Variants in SLC25A23 observed in about 807,000 individuals in gnomAD.
SLC25A23 encodes mitochondrial adenyl nucleotide antiporter SLC25A23.
Under a neutral mutation model 53.9 loss-of-function variants are expected in SLC25A23, and 32 were observed. That is an observed-to-expected ratio of 0.59 (90% CI 0.45 to 0.80). The LOEUF (loss-of-function observed/expected upper bound fraction) is 0.80, where lower values mean the gene tolerates loss of function less well. Among genes scored for constraint, SLC25A23 ranks in the 30% least tolerant of loss-of-function variants. The pLI, the probability that SLC25A23 is intolerant of heterozygous loss-of-function variation, is 0.00. For missense variants in SLC25A23, 575 were observed against 651.4 expected, an observed-to-expected ratio of 0.88 and a Z score of 1.28; for synonymous variants, 275 against 264.5, an observed-to-expected ratio of 1.04 and a Z score of -0.38.
intron 8 of SLC25A23, among the ~76,000 whole-genome samples, chr19:6,448,633 G>A (rs1024745687): frequency 3.3e-5 from 5 of 150,816 alleles, no homozygotes; most frequent in African/African-American, 1.2e-4. Context: ...ACCACGCCCA[G>A]CTATTTTTTG....
chr19:6,444,311 A>C lies in SLC25A23; in HGVS notation c.1072-10T>G, dbSNP rs1189701116. On this transcript the variant is annotated splice_polypyrimidine_tract_variant and intron_variant, in intron 8 of 9. Transcript: ENST00000301454. ...ACCAGTTCTTCAGAGTCTGGAGTGG[A>C]GAAGGGAGTAGGGAGGGTTGGGGTG... 15 of 1,216,496 alleles carry C rather than the reference A, an allele frequency of 1.2e-5. No homozygotes were observed. The highest frequency in any genetic ancestry group is 1.4e-5 in the Non-Finnish European group (12 of 856,790). The allele number at this position is 1,216,496 out of a possible 1,614,324, so 75.4% of individuals were successfully genotyped here. A position where few individuals can be genotyped will look rare whatever the true frequency, so the allele number is the denominator to read the frequency against.
Position 6,458,183 on chromosome 19 carries a change from G to T in SLC25A23, c.283+15C>A, listed in dbSNP as rs2092708437. 1 of 1,612,240 alleles carries T rather than the reference G, an allele frequency of 6.2e-7. No homozygotes were observed. Among genetic ancestry groups the T allele is most frequent in the Admixed American group, 1.7e-5 (1 of 59,946 alleles). On this transcript the variant is annotated intron_variant, in intron 2 of 9. Transcript: ENST00000301454. ...CCTATCCCTTGGGGCCTGCAGGCAG[G>T]TCGCCCGACCTTACCATCCTGGTTC...
Position 6,459,436 on chromosome 19 carries a change from G to C in SLC25A23, c.156+37C>G. ...GGCTTGGGTAACCGGGAGCGGGCGG[G>C]GCCGGGAGGGGAGGAGGTCCCTGGG... On this transcript the variant is annotated intron_variant, in intron 1 of 9. Transcript: ENST00000301454. The surrounding 1 kb of genome is among the most constrained non-coding windows in gnomAD (Gnocchi z 4.6). The C allele has an allele frequency of 6.5e-7, 1 of 1,548,362 alleles. No individual in the cohort carries two copies. Among genetic ancestry groups the C allele is most frequent in the Non-Finnish European group, 8.7e-7 (1 of 1,154,174 alleles).
At chr19:6,437,003 C>T (rs867645024), downstream of SLC25A23, among the ~76,000 whole-genome samples, 7 of 151,858 alleles carry the variant, frequency 4.6e-5, no homozygotes, top group African/African-American at 1.7e-4. Context: ...CATGTGACAC[C>T]ATGCCCGGCT....
chr19:6,444,252 G>C lies in SLC25A23; in HGVS notation c.1121C>G (p.Pro374Arg). ...LQQYSHDSAD[P>R]GILVLLACGT... ...GCAGGCCAGGAGCACGAGGATGCCT[G>C]GGTCTGCCGAGTCGTGGCTGTACTG... Residue 374 changes from proline (P) to arginine (R), a missense_variant, in exon 9 of 10, where the codon CCA becomes CGA. Physicochemically the swap from Pro to Arg is moderately radical, Grantham distance 103. Coordinates refer to ENST00000301454, the MANE Select transcript of SLC25A23 (RefSeq NM_024103.3). 5 of 1,607,156 alleles carry C rather than the reference G, an allele frequency of 3.1e-6. No individual in the cohort carries two copies. The highest frequency in any genetic ancestry group is 2.5e-6 in the Non-Finnish European group (3 of 1,177,600).
At chr19:6,447,333 G>A (rs1324479298) in intron 8 of SLC25A23, among the ~76,000 whole-genome samples, 1 of 152,024 alleles carries the variant, frequency 6.6e-6, no homozygotes, top group Admixed American at 6.6e-5. Context: ...ACAGGGTCTC[G>A]CTCTCACACC....
At chr19:6,444,024 T>C (rs926277309) in intron 9 of SLC25A23, 127 bp downstream of exon 9, 1 of 1,014,128 alleles carries the variant, frequency 9.9e-7, no homozygotes, top group Admixed American at 3.0e-5. Flanking sequence ...ATGTCACAAA[T>C]GGGGAAACGG....
In SLC25A23 at chr19:6,442,502, A is replaced by C. The variant is rs559752641; in HGVS notation, c.1223-343T>G. On this transcript the variant is annotated intron_variant, in intron 9 of 9. Transcript: ENST00000301454. Reference sequence around the variant, plus strand: ...TATCCCAGAGCCAGCTCCCCAGGGGACTCCTCCTTGGTGCTCCAGTCTAAG... The same window carrying C: ...TATCCCAGAGCCAGCTCCCCAGGGGCCTCCTCCTTGGTGCTCCAGTCTAAG... 2.0e-5 allele frequency among the ~76,000 whole-genome samples: 3 copies of C among 151,060 alleles called. No homozygotes were observed. The East Asian group carries it at 5.8e-4, about 29-fold the overall frequency.
chr19:6,436,220 G>T, downstream of SLC25A23: 1 of 280,616 alleles, frequency 3.6e-6, no homozygotes, highest in Non-Finnish European at 7.4e-6. Flanking sequence ...CCGCTGAGCC[G>T]GCTGTTCCCG....
intron 8 of SLC25A23, among the ~76,000 whole-genome samples, chr19:6,446,892 G>A (rs983387790): frequency 2.6e-4 from 39 of 152,244 alleles, no homozygotes; most frequent in African/African-American, 9.1e-4. Context: ...TATGACTGGT[G>A]TCCGTAGAGG....
chr19:6,442,172 G>GA lies in SLC25A23; in HGVS notation c.1223-14_1223-13insT. On this transcript the variant is annotated splice_polypyrimidine_tract_variant and intron_variant, in intron 9 of 9. Coordinates refer to ENST00000301454, the MANE Select transcript of SLC25A23 (RefSeq NM_024103.3). The stretch of plus-strand genomic sequence containing the variant: ...CCCTCGATGGAGGCTGGGAGGGGGC[G>GA]GGGGGGGCACCAGGTAAGGCCAACG... The GA allele has an allele frequency of 6.9e-7, 1 of 1,444,256 alleles. No individual in the cohort carries two copies. The highest frequency in any genetic ancestry group is 1.9e-5 in the African/African-American group (1 of 51,560). 89.5% of individuals were successfully genotyped at this position (1,444,256 alleles called of 1,614,324 possible).
At position 6,444,175 on chromosome 19, in the gene SLC25A23, C is replaced by A; in HGVS notation, c.1198G>T (p.Val400Phe). The A allele has an allele frequency of 6.3e-7, 1 of 1,594,932 alleles. No homozygotes were observed. The highest frequency in any genetic ancestry group is 8.5e-7 in the Non-Finnish European group (1 of 1,170,620). The change falls in exon 9 of 10, where the codon GTC becomes TTC. Residue 400 changes from valine (V) to phenylalanine (F), a missense_variant. Coordinates refer to ENST00000301454, the MANE Select transcript of SLC25A23 (RefSeq NM_024103.3). Reference sequence around the variant, plus strand: ...CCTTGTGCCTGCATGCGGGTCCGGACCAGGGCCAGCGGGTAACTGGCTATC... The same window carrying A: ...CCTTGTGCCTGCATGCGGGTCCGGAACAGGGCCAGCGGGTAACTGGCTATC... ...GQIASYPLAL[V>F]RTRMQAQASI...
Position 6,441,955 on chromosome 19 carries a change from G to C in SLC25A23, c.*20C>G, listed in dbSNP as rs747288664. The C allele has an allele frequency of 1.9e-6, 3 of 1,611,910 alleles. No homozygotes were observed. ...TGAGGTGTGGGGGGTGAGGGATTGGGGGGACGGGCTCCGGGTCCCTCACCT... is the reference window on the plus strand; with the variant it reads ...TGAGGTGTGGGGGGTGAGGGATTGGCGGGACGGGCTCCGGGTCCCTCACCT... On this transcript the variant is annotated 3_prime_UTR_variant, in exon 10 of 10. Coordinates refer to ENST00000301454, the MANE Select transcript of SLC25A23 (RefSeq NM_024103.3).
intron 1 of SLC25A23, 50 bp from the exon 2 acceptor site, chr19:6,458,374 C>A: frequency 6.3e-7 from 1 of 1,589,212 alleles, no homozygotes; most frequent in South Asian, 1.1e-5. Context: ...TGCTCCTGAT[C>A]TGGAGGGGAC....
At chr19:6,456,968 A>G (rs1023280108) in intron 3 of SLC25A23, among the ~76,000 whole-genome samples, 1 of 151,966 alleles carries the variant, frequency 6.6e-6, no homozygotes, top group African/African-American at 2.4e-5. Flanking sequence ...GTGAGCCACC[A>G]TAGCCAGCTG....
At chr19:6,456,364 G>C in intron 4 of SLC25A23, 56 bp downstream of exon 4, 1 of 1,540,068 alleles carries the variant, frequency 6.5e-7, no homozygotes, top group Admixed American at 1.7e-5. Context: ...TCGGAGCAAG[G>C]CCCCCCTGGG....
downstream of SLC25A23, chr19:6,438,789 C>T: frequency 6.0e-6 from 2 of 336,054 alleles, no homozygotes; most frequent in South Asian, 2.2e-5. Flanking sequence ...GCAGAGGTTG[C>T]AGTGATCTGA....
chr19:6,454,464 T>C lies in SLC25A23; in HGVS notation c.654A>G (p.Ser218=). Reference sequence around the variant, plus strand: ...CAAGGATGTTCAGCCGGTTGGTCTTTGAGGCATGGACCTGAATGGGGAGAC... The same window carrying C: ...CAAGGATGTTCAGCCGGTTGGTCTTCGAGGCATGGACCTGAATGGGGAGAC... ...RLKVFMQVHA[S]KTNRLNILGG... The change falls in exon 6 of 10, where the codon TCA becomes TCG. Residue 218 remains serine (S), a synonymous_variant. Coordinates refer to ENST00000301454, the MANE Select transcript of SLC25A23 (RefSeq NM_024103.3). The surrounding 1 kb of genome is among the most constrained non-coding windows in gnomAD (Gnocchi z 4.3). 1 of 1,614,076 alleles carries C rather than the reference T, an allele frequency of 6.2e-7. No individual in the cohort carries two copies. The highest frequency in any genetic ancestry group is 1.6e-4 in the Middle Eastern group (1 of 6,062).
downstream of SLC25A23, chr19:6,436,572 A>G (rs896407617): frequency 2.4e-5 from 10 of 416,370 alleles, no homozygotes; most frequent in Admixed American, 2.8e-4. Flanking sequence ...TCTTTGAGAC[A>G]TAGTTTTGCT....
Sources: gnomAD v4.1 joint callset for allele counts (sites outside exome capture counted in the v4.1 genomes callset) on GRCh38, gnomAD v4.1.1 for gene constraint, Gnocchi (gnomAD v3.1) non-coding constraint, MANE v1.5 for transcripts, NCBI Gene and HGNC (gene_info 2026-07-23, HGNC 2026-07-21) for gene names.